Variants in MAGI1 observed in about 807,000 individuals in gnomAD.
MAGI1 encodes membrane-associated guanylate kinase, WW and PDZ domain-containing protein 1.
MAGI1 carries 58 observed loss-of-function variants against 139.9 expected under a neutral mutation model. The observed-to-expected ratio is 0.41, with a 90% CI of 0.34 to 0.52. The LOEUF is 0.52. Among genes scored for constraint, MAGI1 ranks in the 20% least tolerant of loss-of-function variants. MAGI1 has a pLI of 0.12. For missense variants in MAGI1, 1,874 were observed against 1,901.6 expected, an observed-to-expected ratio of 0.99 and a Z score of 0.27; for synonymous variants, 812 against 737.9, an observed-to-expected ratio of 1.10 and a Z score of -1.63.
At chr3:66,036,406 G>C (rs2107616420) in intron 1 of MAGI1, among the ~76,000 whole-genome samples, 1 of 152,180 alleles carries the variant, frequency 6.6e-6, no homozygotes, top group East Asian at 1.9e-4. Flanking sequence ...CCTTTAATGA[G>C]CTCACTACCT....
At chr3:65,636,608 C>A (rs1214408428) in intron 1 of MAGI1, among the ~76,000 whole-genome samples, 1 of 152,060 alleles carries the variant, frequency 6.6e-6, no homozygotes, top group Non-Finnish European at 1.5e-5. Context: ...ATTAACATTG[C>A]CCTTAATGAT....
intron 1 of MAGI1, among the ~76,000 whole-genome samples, chr3:65,667,628 G>A (rs769338092): frequency 6.6e-6 from 1 of 152,152 alleles, no homozygotes; most frequent in Non-Finnish European, 1.5e-5. Flanking sequence ...CTGGTGCACA[G>A]TGGTGCAATC....
intron 1 of MAGI1, among the ~76,000 whole-genome samples, chr3:65,737,819 G>A (rs562539800): frequency 6.6e-6 from 1 of 152,026 alleles, no homozygotes; most frequent in Non-Finnish European, 1.5e-5. Flanking sequence ...GGTTGGAAGG[G>A]GTGAAGATGG....
chr3:65,551,434 G>A (rs918012028), intron 2 of MAGI1, among the ~76,000 whole-genome samples: 2 of 152,114 alleles, frequency 1.3e-5, no homozygotes, highest in African/African-American at 2.4e-5. Context: ...CCGAGTGGCT[G>A]GGATTACAGG....
intron 1 of MAGI1, among the ~76,000 whole-genome samples, chr3:65,875,805 A>T (rs1477141738): frequency 6.6e-6 from 1 of 152,198 alleles, no homozygotes; most frequent in African/African-American, 2.4e-5. Context: ...ACTTCACGCC[A>T]CTGCTGTTCC....
chr3:65,953,673 T>G (rs1305781120), intron 1 of MAGI1, among the ~76,000 whole-genome samples: 1 of 152,176 alleles, frequency 6.6e-6, no homozygotes, highest in Non-Finnish European at 1.5e-5. Context: ...AATCAAGGTT[T>G]GTCTCCCTGC....
At chr3:65,412,648 A>C (rs1945883285) in intron 12 of MAGI1, among the ~76,000 whole-genome samples, 1 of 152,196 alleles carries the variant, frequency 6.6e-6, no homozygotes, top group Non-Finnish European at 1.5e-5. Flanking sequence ...AGCTGCAGGA[A>C]GAGCTGATGA....
chr3:65,854,711 C>A (rs1318346870), intron 1 of MAGI1, among the ~76,000 whole-genome samples: 1 of 152,250 alleles, frequency 6.6e-6, no homozygotes, highest in African/African-American at 2.4e-5. Context: ...CACAGCTAGT[C>A]TCTGTCACCT....
intron 1 of MAGI1, among the ~76,000 whole-genome samples, chr3:65,760,412 G>A (rs914734264): frequency 6.6e-6 from 1 of 150,720 alleles, no homozygotes; most frequent in Non-Finnish European, 1.5e-5. Flanking sequence ...TTTAAGAGAT[G>A]GGGTCTTGTT....
At chr3:65,776,231 G>A (rs1428842675) in intron 1 of MAGI1, among the ~76,000 whole-genome samples, 1 of 131,472 alleles carries the variant, frequency 7.6e-6, no homozygotes, top group Non-Finnish European at 1.6e-5. Context: ...AACACTACTG[G>A]CATATAGTTG....
At chr3:65,590,777 C>T (rs2081932390) in intron 2 of MAGI1, among the ~76,000 whole-genome samples, 1 of 152,102 alleles carries the variant, frequency 6.6e-6, no homozygotes, top group Admixed American at 6.6e-5. Context: ...CTACATCTTC[C>T]AGAATCTAGA....
intron 1 of MAGI1, among the ~76,000 whole-genome samples, chr3:66,007,760 T>C (rs1472900036): frequency 6.6e-6 from 1 of 151,826 alleles, no homozygotes; most frequent in Non-Finnish European, 1.5e-5. Flanking sequence ...TGAGCCCTAG[T>C]ACAGCAATAA....
intron 18 of MAGI1, among the ~76,000 whole-genome samples, chr3:65,370,732 C>G (rs1374767957): frequency 6.6e-6 from 1 of 152,196 alleles, no homozygotes; most frequent in African/African-American, 2.4e-5. Context: ...CGACCTCAAC[C>G]TCCTGGGCTC....
At chr3:65,776,577 C>T (rs984038) in intron 1 of MAGI1, among the ~76,000 whole-genome samples, 89,571 of 151,962 alleles carry the variant, frequency 0.59, 26,989 homozygotes, top group Admixed American at 0.66. Context: ...CCTCGAATAT[C>T]TGGTTTTCCA....
chr3:65,958,886 T>G (rs997938820), intron 1 of MAGI1, among the ~76,000 whole-genome samples: 1 of 151,764 alleles, frequency 6.6e-6, no homozygotes, highest in African/African-American at 2.4e-5. Context: ...CCTGGGGAGG[T>G]TGAGGCACGA....
In MAGI1 at chr3:65,938,327, A is replaced by C. The variant is rs2063157022; in HGVS notation, c.313+99669T>G. Among the ~76,000 whole-genome samples, 3 of 148,198 alleles carry C rather than the reference A, an allele frequency of 2.0e-5. No homozygotes were observed. In the Admixed American group the frequency reaches 2.0e-4, roughly 10 times the overall value. On this transcript the variant is annotated intron_variant, in intron 1 of 22. Coordinates refer to ENST00000402939, the MANE Select transcript of MAGI1 (RefSeq NM_001033057.2). ...TTAACATAATTATACTAAATAAATT[A>C]ATATAAATATATTAAATGAACTAAT...
intron 1 of MAGI1, among the ~76,000 whole-genome samples, chr3:65,745,821 C>T (rs1336737331): frequency 2.6e-5 from 4 of 152,178 alleles, no homozygotes; most frequent in Non-Finnish European, 5.9e-5. Context: ...CCTCAGACTC[C>T]CAGGCTCATG....
At chr3:65,414,767 T>C (rs9862804) in intron 12 of MAGI1, among the ~76,000 whole-genome samples, 51,732 of 151,254 alleles carry the variant, frequency 0.34, 9,490 homozygotes, top group South Asian at 0.51. Context: ...GGTGTGGTGG[T>C]TCACGCCTGT....
intron 4 of MAGI1, among the ~76,000 whole-genome samples, chr3:65,472,613 G>T (rs181055420): frequency 6.6e-6 from 1 of 152,184 alleles, no homozygotes; most frequent in African/African-American, 2.4e-5. Flanking sequence ...CCAGCTCTTA[G>T]GACAGGTGTT....
Sources: gnomAD v4.1 joint callset for allele counts (sites outside exome capture counted in the v4.1 genomes callset) on GRCh38, gnomAD v4.1.1 for gene constraint, MANE v1.5 for transcripts, NCBI Gene and HGNC (gene_info 2026-07-23, HGNC 2026-07-21) for gene names.